Variants in MCM8 observed in about 807,000 individuals in gnomAD.
MCM8 encodes the protein DNA helicase MCM8.
Under a neutral mutation model 98.9 loss-of-function variants are expected in MCM8, and 85 were observed. The observed-to-expected ratio is 0.86, with a 90% confidence interval of 0.72 to 1.03. The LOEUF is 1.03. Ranked by LOEUF, MCM8 falls within the 50% of genes least tolerant of loss-of-function variation. The pLI is 0.00. For synonymous variants in MCM8, 352 were observed against 338.6 expected, an observed-to-expected ratio of 1.04 and a Z score of -0.44; for missense variants, 951 against 997.8, an observed-to-expected ratio of 0.95 and a Z score of 0.63.
Position 5,973,036 on chromosome 20 carries a change from G to A in MCM8, c.1255-20G>A, listed in dbSNP as rs777827711. 3.1e-6 allele frequency: 5 copies of A among 1,609,440 alleles called. No homozygotes were observed. The highest frequency in any genetic ancestry group is 2.7e-5 in the African/African-American group (2 of 74,614). ...TATGTTTTCCTTACTTCTGTTTTTT[G>A]TTCTTTTTTCGCACTTGAGCTTGTT... On this transcript the variant is annotated intron_variant, in intron 11 of 18. Transcript: ENST00000610722.
chr20:5,952,372 T>C, intron 2 of MCM8, 52 bp from the exon 3 acceptor site: 1 of 1,591,146 alleles, frequency 6.3e-7, no homozygotes, highest in African/African-American at 1.4e-5. Context: ...GAGAAGCATA[T>C]TGGAAAAATG....
At chr20:5,989,284 T>G (rs2089797941) in intron 17 of MCM8, among the ~76,000 whole-genome samples, 1 of 151,842 alleles carries the variant, frequency 6.6e-6, no homozygotes, top group South Asian at 2.1e-4. Context: ...ACCTGCTAAT[T>G]TTTGTATTTT....
At chr20:5,969,333 C>T (rs565868769) in intron 10 of MCM8, among the ~76,000 whole-genome samples, 34 of 152,104 alleles carry the variant, frequency 2.2e-4, no homozygotes, top group African/African-American at 7.5e-4. Context: ...GGCTCAAGCC[C>T]GTAATCCCAG....
intron 6 of MCM8, among the ~76,000 whole-genome samples, 156 bp from the exon 7 acceptor site, chr20:5,958,372 A>T (rs887044120): frequency 2.0e-5 from 3 of 152,246 alleles, no homozygotes; most frequent in African/African-American, 7.2e-5. Flanking sequence ...CATCTCAAGA[A>T]AACAAAACAC....
In MCM8 at chr20:5,976,801, T is replaced by A. The variant is rs145387455; in HGVS notation, c.1396-1075T>A. Among the ~76,000 whole-genome samples the A allele has an allele frequency of 2.9e-3, 445 of 152,158 alleles. 7 individuals carry two copies. Among genetic ancestry groups the A allele is most frequent in the African/African-American group, 0.01 (434 of 41,500 alleles). On this transcript the variant is annotated intron_variant, in intron 12 of 18. Transcript: ENST00000610722. ...GAAGCTAAAATGGAGTCTGTCCGGCTCTCTCTCTGCTAGGAGAGAGTCACT... is the reference window on the plus strand; with the variant it reads ...GAAGCTAAAATGGAGTCTGTCCGGCACTCTCTCTGCTAGGAGAGAGTCACT...
chr20:5,994,393 AG>A lies in MCM8; in HGVS notation c.*4del. 6.2e-7 allele frequency: 1 copy of A among 1,605,790 alleles called. No homozygotes were observed. The highest frequency in any genetic ancestry group is 8.5e-7 in the Non-Finnish European group (1 of 1,175,618). ...GTTTACCAGCTTCAAACTATGTAAA[AG>A]GACTTCACCAAGTTAGGGCCTCCTG... On this transcript the variant is annotated 3_prime_UTR_variant, in exon 19 of 19. Coordinates refer to ENST00000610722, the MANE Select transcript of MCM8 (RefSeq NM_032485.6).
Position 5,986,131 on chromosome 20 carries a change from GGTTT to G in MCM8, c.2163+5_2163+8del. On this transcript the variant is annotated splice_donor_variant and splice_donor_region_variant and intron_variant, in intron 16 of 18. Coordinates refer to ENST00000610722, the MANE Select transcript of MCM8 (RefSeq NM_032485.6). LOFTEE classifies it high-confidence loss of function. ...TGGAATCTTTGATTCGTCTGACAGA[GGTTT>G]GTTTCTTTTTATGGTCATGCTTTTT... The G allele has an allele frequency of 1.2e-6, 2 of 1,614,012 alleles. No homozygotes were observed. Among genetic ancestry groups the G allele is most frequent in the African/African-American group, 1.3e-5 (1 of 75,028 alleles).
At chr20:5,962,264 C>T (rs6085332) in intron 7 of MCM8, among the ~76,000 whole-genome samples, 59,518 of 151,552 alleles carry the variant, frequency 0.39, 14,006 homozygotes, top group Non-Finnish European at 0.5. Context: ...TCTCAGAAGT[C>T]GTGCAACATC....
intron 2 of MCM8, 23 bp downstream of exon 2, chr20:5,952,186 C>T (rs893607144): frequency 6.2e-7 from 1 of 1,608,190 alleles, no homozygotes; most frequent in Non-Finnish European, 8.5e-7. Flanking sequence ...AATGATTGTT[C>T]AATTTTTTTC....
At chr20:5,985,794 C>A (rs920357224) in intron 15 of MCM8, 128 bp from the exon 16 acceptor site, 53 of 832,036 alleles carry the variant, frequency 6.4e-5, no homozygotes, top group Non-Finnish European at 9.4e-5. Flanking sequence ...GATGTGTCCT[C>A]CTTGGCCTCC....
Position 5,994,845 on chromosome 20 carries a change from G to C in MCM8, c.*454G>C. ...GATTCTTTGAGCCCAGGAGTTTGAGGTTACAGTGAGCCACAATCACACCAA... is the reference window on the plus strand; with the variant it reads ...GATTCTTTGAGCCCAGGAGTTTGAGCTTACAGTGAGCCACAATCACACCAA... On this transcript the variant is annotated 3_prime_UTR_variant, in exon 19 of 19. Transcript: ENST00000610722. 2.6e-6 allele frequency: 1 copy of C among 381,034 alleles called. No individual in the cohort carries two copies. Among genetic ancestry groups the C allele is most frequent in the Non-Finnish European group, 5.2e-6 (1 of 192,642 alleles). 23.6% of individuals were successfully genotyped at this position (381,034 alleles called of 1,614,324 possible).
intron 7 of MCM8, among the ~76,000 whole-genome samples, 185 bp from the exon 8 acceptor site, chr20:5,963,087 AAG>A (rs2089188722): frequency 6.6e-6 from 1 of 152,214 alleles, no homozygotes; most frequent in South Asian, 2.1e-4. Context: ...AGTGCCTCAA[AAG>A]CTGTCGATAT....
In MCM8 at chr20:5,972,023, AT is replaced by A; in HGVS notation, c.1245del (p.Phe415LeufsTer12). 1.2e-6 allele frequency: 2 copies of A among 1,611,792 alleles called. No homozygotes were observed. Among genetic ancestry groups the A allele is most frequent in the South Asian group, 1.1e-5 (1 of 90,696 alleles). The part of the protein sequence containing the change: ...KLIVNSLCPV[I>X]FGHELVKAGL... ...GTTTTTCAGCTCGCTTTGCCCTGTC[AT>A]TTTTGGTCATGAAGTAAGTATTTTA... On this transcript the variant is annotated frameshift_variant, in exon 11 of 19. Coordinates refer to ENST00000610722, the MANE Select transcript of MCM8 (RefSeq NM_032485.6). LOFTEE classifies it high-confidence loss of function.
intron 7 of MCM8, among the ~76,000 whole-genome samples, chr20:5,960,849 C>T (rs1440117200): frequency 9.8e-5 from 15 of 152,310 alleles, no homozygotes; most frequent in African/African-American, 2.9e-4. Flanking sequence ...GCCGGAGAAT[C>T]GCTTGAACCC....
chr20:5,967,398 A>G lies in MCM8; in HGVS notation c.876-38A>G, dbSNP rs754170995. The G allele has an allele frequency of 8.8e-6, 14 of 1,586,472 alleles. No homozygotes were observed. The African/African-American group carries it at 1.7e-4, about 20-fold the overall frequency. Reference sequence around the variant, plus strand: ...TTAATATCTTGCAGAAACCATCCAAAGTAAGTATTCTAACTGAAAACTATT... The same window carrying G: ...TTAATATCTTGCAGAAACCATCCAAGGTAAGTATTCTAACTGAAAACTATT... On this transcript the variant is annotated intron_variant, in intron 8 of 18. Coordinates refer to ENST00000610722, the MANE Select transcript of MCM8 (RefSeq NM_032485.6).
intron 8 of MCM8, chr20:5,965,228 C>T (rs1370689352): frequency 6.6e-6 from 1 of 152,118 alleles, no homozygotes; most frequent in African/African-American, 2.4e-5. Context: ...CTGACTTCTC[C>T]CTCCATCTTT....
At chr20:5,989,267 C>A (rs1224191816) in intron 17 of MCM8, among the ~76,000 whole-genome samples, 1 of 151,958 alleles carries the variant, frequency 6.6e-6, no homozygotes, top group Non-Finnish European at 1.5e-5. Flanking sequence ...CAGGTGCATG[C>A]CACCACACCT....
chr20:5,967,889 A>C lies in MCM8; in HGVS notation c.1087A>C (p.Ser363Arg). ...TTTGTATATTGAAGCAAATTCTATT[A>C]GTAATAGCAAAGGACAGAAAACAAA... ...FLLYIEANSI[S>R]NSKGQKTKSS... Residue 363 changes from serine (S) to arginine (R), a missense_variant, in exon 10 of 19, where the codon AGT (serine) becomes CGT (arginine). Ser to Arg is a moderately radical substitution (Grantham distance 110). Transcript: ENST00000610722. 1.2e-6 allele frequency: 2 copies of C among 1,613,762 alleles called. No homozygotes were observed. Among genetic ancestry groups the C allele is most frequent in the Non-Finnish European group, 1.7e-6 (2 of 1,179,784 alleles).
chr20:5,993,651 C>T lies in MCM8; in HGVS notation c.2386C>T (p.Gln796Ter). The T allele has an allele frequency of 1.2e-6, 2 of 1,609,246 alleles. No homozygotes were observed. Among genetic ancestry groups the T allele is most frequent in the Non-Finnish European group, 1.7e-6 (2 of 1,177,112 alleles). The change falls in exon 18 of 19, where the codon CAA becomes TAA. Residue 796 changes from glutamine (Q) to a stop codon, truncating the protein, a stop_gained. Coordinates refer to ENST00000610722, the MANE Select transcript of MCM8 (RefSeq NM_032485.6). LOFTEE classifies it high-confidence loss of function. The stretch of plus-strand genomic sequence containing the variant: ...TGAAAGAACTTATAATAATATATTT[C>T]AATTTCATCAACTTCGGCAGATTGC... Reference protein sequence around the residue: ...VAERTYNNIFQFHQLRQIAKE... With the variant: ...VAERTYNNIF
Sources: gnomAD v4.1 joint callset for allele counts (sites outside exome capture counted in the v4.1 genomes callset) on GRCh38, gnomAD v4.1.1 for gene constraint, MANE v1.5 for transcripts, NCBI Gene and HGNC (gene_info 2026-07-23, HGNC 2026-07-21) for gene names.